Variants in WWOX observed in about 807,000 individuals in gnomAD.
WWOX encodes WW domain containing oxidoreductase.
WWOX carries 69 observed loss-of-function variants against 46.2 expected under a neutral mutation model. The ratio of observed to expected loss-of-function variants is 1.49; its 90% CI spans 1.23 to 1.82. The LOEUF is 1.82. Among genes scored for constraint, WWOX ranks in the 40% most tolerant of loss-of-function variants. The pLI, the probability that WWOX is intolerant of heterozygous loss-of-function variation, is 0.00. For synonymous variants in WWOX, 359 were observed against 202.6 expected, an observed-to-expected ratio of 1.77 and a Z score of -6.56; for missense variants, 919 against 542.6, an observed-to-expected ratio of 1.69 and a Z score of -6.89.
At chr16:79,026,480 T>C (rs1383010554) in intron 8 of WWOX, among the ~76,000 whole-genome samples, 2 of 151,702 alleles carry the variant, frequency 1.3e-5, no homozygotes, top group Non-Finnish European at 2.9e-5. Flanking sequence ...AGTTCTGTAC[T>C]TGTTCATGTG....
At chr16:78,643,302 C>G (rs564764189) in intron 8 of WWOX, among the ~76,000 whole-genome samples, 4 of 152,140 alleles carry the variant, frequency 2.6e-5, no homozygotes, top group African/African-American at 9.7e-5. Context: ...ATTTGGCTAA[C>G]GAAAACAACA....
intron 5 of WWOX, among the ~76,000 whole-genome samples, chr16:78,293,385 C>T (rs1468759751): frequency 6.6e-6 from 1 of 152,180 alleles, no homozygotes; most frequent in Non-Finnish European, 1.5e-5. Flanking sequence ...TCTTTAGAAA[C>T]AGAAATGGTC....
chr16:78,264,095 A>G (rs1176037892), intron 5 of WWOX, among the ~76,000 whole-genome samples: 1 of 143,564 alleles, frequency 7.0e-6, no homozygotes, highest in African/African-American at 2.7e-5. Context: ...GTGTATCTGA[A>G]TATTGTAACG....
At chr16:78,843,841 G>A (rs1020631350) in intron 8 of WWOX, among the ~76,000 whole-genome samples, 2 of 152,126 alleles carry the variant, frequency 1.3e-5, no homozygotes, top group African/African-American at 4.8e-5. Context: ...CCTATTTTTA[G>A]AGGTTGGCTC....
intron 7 of WWOX, among the ~76,000 whole-genome samples, chr16:78,426,181 C>G (rs1211038443): frequency 1.3e-5 from 2 of 152,204 alleles, no homozygotes; most frequent in African/African-American, 2.4e-5. Flanking sequence ...AAAATCTGGA[C>G]AGCCTTATCT....
chr16:78,965,025 G>A (rs1481276905), intron 8 of WWOX, among the ~76,000 whole-genome samples: 1 of 152,202 alleles, frequency 6.6e-6, no homozygotes, highest in Non-Finnish European at 1.5e-5. Flanking sequence ...GAAACACCTG[G>A]ATGCCCCAGC....
chr16:79,142,594 G>T (rs553745437), intron 8 of WWOX, among the ~76,000 whole-genome samples: 106 of 152,272 alleles, frequency 7.0e-4, no homozygotes, highest in African/African-American at 2.3e-3. Context: ...GTTGTAGCAT[G>T]AAAAATCACA....
rs559044865 is a variant in WWOX, at chr16:78,560,985, C to T, written c.1056+128233C>T. Among the ~76,000 whole-genome samples the T allele has an allele frequency of 4.6e-5, 7 of 152,274 alleles. No individual in the cohort carries two copies. In the East Asian group the frequency reaches 5.8e-4, roughly 13 times the overall value. The stretch of plus-strand genomic sequence containing the variant: ...AGACACAATGTGACTGGCTTCTCTG[C>T]TCAGGGTCTCTTGGGGACAAAATAA... On this transcript the variant is annotated intron_variant, in intron 8 of 8. Coordinates refer to ENST00000566780, the MANE Select transcript of WWOX (RefSeq NM_016373.4).
chr16:78,969,777 C>A (rs932011051), intron 8 of WWOX, among the ~76,000 whole-genome samples: 2 of 152,134 alleles, frequency 1.3e-5, no homozygotes, highest in East Asian at 3.8e-4. Flanking sequence ...ATTTCATTTA[C>A]ATGAAATACC....
At chr16:78,329,920 A>G (rs2080716986) in intron 5 of WWOX, among the ~76,000 whole-genome samples, 2 of 151,726 alleles carry the variant, frequency 1.3e-5, no homozygotes, top group Non-Finnish European at 2.9e-5. Flanking sequence ...CTAATCTTTT[A>G]GTTTTTGTAG....
chr16:78,744,875 G>C (rs2049311917), intron 8 of WWOX, among the ~76,000 whole-genome samples: 2 of 152,142 alleles, frequency 1.3e-5, no homozygotes, highest in Non-Finnish European at 2.9e-5. Context: ...GCAAAGAAGA[G>C]CAACACTCTA....
intron 8 of WWOX, among the ~76,000 whole-genome samples, chr16:79,165,210 C>G (rs370981577): frequency 6.8e-4 from 103 of 151,240 alleles, no homozygotes; most frequent in African/African-American, 2.4e-3. Flanking sequence ...GAAGTAGTTA[C>G]AATGCTAGTG....
chr16:78,900,031 G>T (rs1411569212), intron 8 of WWOX, among the ~76,000 whole-genome samples: 1 of 148,622 alleles, frequency 6.7e-6, no homozygotes, highest in African/African-American at 2.5e-5. Context: ...CCAAAACGGA[G>T]ATGTGCAATA....
Position 78,315,846 on chromosome 16 carries a change from G to GA in WWOX, c.517-71009dup, listed in dbSNP as rs1378006715. Among the ~76,000 whole-genome samples the GA allele has an allele frequency of 2.6e-5, 4 of 152,012 alleles. No individual in the cohort carries two copies. The East Asian group carries it at 7.7e-4, about 29-fold the overall frequency. On this transcript the variant is annotated intron_variant, in intron 5 of 8. Transcript: ENST00000566780. ...TTAAAAAAAAATACATAGAAGATAA[G>GA]AAAAATCACCAAAAATTCCCAGCCA...
At chr16:78,620,964 A>G (rs1484489025) in intron 8 of WWOX, among the ~76,000 whole-genome samples, 2 of 152,064 alleles carry the variant, frequency 1.3e-5, no homozygotes, top group East Asian at 1.9e-4. Flanking sequence ...ATCTCACTGT[A>G]TTTTTAGTTT....
At chr16:78,693,817 C>G (rs372323120) in intron 8 of WWOX, among the ~76,000 whole-genome samples, 1 of 152,136 alleles carries the variant, frequency 6.6e-6, no homozygotes, top group Non-Finnish European at 1.5e-5. Flanking sequence ...TTTCATTCTT[C>G]ATGCTTGTAA....
intron 8 of WWOX, among the ~76,000 whole-genome samples, chr16:79,037,082 G>A (rs576719906): frequency 1.1e-4 from 16 of 152,242 alleles, no homozygotes; most frequent in Non-Finnish European, 1.6e-4. Context: ...CAGACTCAGG[G>A]CGGGGCCTGG....
chr16:79,180,120 A>C (rs919940091), intron 8 of WWOX, among the ~76,000 whole-genome samples: 3 of 152,150 alleles, frequency 2.0e-5, no homozygotes, highest in Non-Finnish European at 4.4e-5. Context: ...GCTATGTTAG[A>C]AGAGACTCTG....
intron 8 of WWOX, among the ~76,000 whole-genome samples, chr16:78,909,112 A>G (rs1367839400): frequency 6.6e-6 from 1 of 152,234 alleles, no homozygotes; most frequent in East Asian, 1.9e-4. Context: ...AACTTTGAAC[A>G]AGACAGCCTG....
Sources: gnomAD v4.1 joint callset for allele counts (sites outside exome capture counted in the v4.1 genomes callset) on GRCh38, gnomAD v4.1.1 for gene constraint, MANE v1.5 for transcripts, NCBI Gene and HGNC (gene_info 2026-07-23, HGNC 2026-07-21) for gene names.